Variants in PXDNL observed in about 807,000 individuals in gnomAD.
The protein encoded by PXDNL is peroxidasin like, also known as probable oxidoreductase PXDNL.
In PXDNL, 145 loss-of-function variants were observed where a neutral mutation model predicts 150.8. The observed-to-expected ratio is 0.96, with a 90% CI of 0.84 to 1.10. The LOEUF (loss-of-function observed/expected upper bound fraction) is 1.10, where lower values mean the gene tolerates loss of function less well. Ranked by LOEUF, PXDNL falls within the 50% of genes least tolerant of loss-of-function variation. The probability of loss-of-function intolerance (pLI) is 0.00; values close to 1 mark genes in which losing one functional copy is unlikely to be tolerated. For synonymous variants in PXDNL, 757 were observed against 725.7 expected (o/e 1.04, Z -0.69); for missense variants, 2,087 against 1,873.9 (o/e 1.11, Z -2.10).
At chr8:51,764,884 A>C (rs926004468) in intron 1 of PXDNL, among the ~76,000 whole-genome samples, 1 of 152,110 alleles carries the variant, frequency 6.6e-6, no homozygotes, top group Non-Finnish European at 1.5e-5. Flanking sequence ...TACTCTATCC[A>C]TTATTGAAGT....
At chr8:51,600,801 TTA>T (rs995558092) in intron 2 of PXDNL, among the ~76,000 whole-genome samples, 1 of 136,672 alleles carries the variant, frequency 7.3e-6, no homozygotes, top group African/African-American at 2.7e-5. Flanking sequence ...TGATAATAAA[TTA>T]TATCTTATAT....
intron 1 of PXDNL, among the ~76,000 whole-genome samples, chr8:51,806,441 T>C (rs1202787137): frequency 6.6e-6 from 1 of 152,194 alleles, no homozygotes; most frequent in African/African-American, 2.4e-5. Context: ...GCCTTAGTTT[T>C]CAAAAACTAA....
intron 3 of PXDNL, among the ~76,000 whole-genome samples, chr8:51,561,259 G>A (rs1812713771): frequency 6.6e-6 from 1 of 151,498 alleles, no homozygotes; most frequent in Admixed American, 6.6e-5. Flanking sequence ...TATACTTCTG[G>A]GCATATATCT....
At chr8:51,767,262 CT>C (rs1187815501) in intron 1 of PXDNL, among the ~76,000 whole-genome samples, 1 of 151,808 alleles carries the variant, frequency 6.6e-6, no homozygotes, top group East Asian at 1.9e-4. Context: ...CTCTCTGTCT[CT>C]CCCCCTCTTT....
intron 1 of PXDNL, among the ~76,000 whole-genome samples, chr8:51,750,132 A>G (rs1233571257): frequency 1.3e-5 from 2 of 152,314 alleles, no homozygotes; most frequent in South Asian, 2.1e-4. Flanking sequence ...TAAAACACAA[A>G]TACATTGTAC....
intron 1 of PXDNL, among the ~76,000 whole-genome samples, chr8:51,696,976 T>A (rs1209832774): frequency 6.6e-6 from 1 of 152,192 alleles, no homozygotes; most frequent in Non-Finnish European, 1.5e-5. Flanking sequence ...AGGAAAGTTA[T>A]AGGTGAAGAA....
chr8:51,357,494 A>G (rs972021623), intron 19 of PXDNL, among the ~76,000 whole-genome samples: 5 of 152,234 alleles, frequency 3.3e-5, no homozygotes, highest in Non-Finnish European at 7.3e-5. Context: ...ATCTAAGCAG[A>G]CAGTATCTGA....
At chr8:51,569,327 T>C (rs2130586855) in intron 3 of PXDNL, among the ~76,000 whole-genome samples, 1 of 152,060 alleles carries the variant, frequency 6.6e-6, no homozygotes. Context: ...TCAATGGTGG[T>C]TTTACAGGTG....
intron 19 of PXDNL, among the ~76,000 whole-genome samples, chr8:51,365,218 T>A (rs1806877242): frequency 6.6e-6 from 1 of 152,158 alleles, no homozygotes; most frequent in South Asian, 2.1e-4. Flanking sequence ...GATTACAGGC[T>A]TGAGCCACCA....
chr8:51,555,718 C>A (rs969158671), intron 4 of PXDNL, among the ~76,000 whole-genome samples: 1 of 152,182 alleles, frequency 6.6e-6, no homozygotes, highest in African/African-American at 2.4e-5. Flanking sequence ...AGTTTCAGAA[C>A]TATCCCATAG....
chr8:51,699,438 T>G (rs891518860), intron 1 of PXDNL, among the ~76,000 whole-genome samples: 2 of 152,226 alleles, frequency 1.3e-5, no homozygotes, highest in African/African-American at 4.8e-5. Context: ...GGCCTTACTC[T>G]GTGTTAGGCT....
intron 1 of PXDNL, among the ~76,000 whole-genome samples, chr8:51,779,894 T>C: frequency 6.6e-6 from 1 of 152,180 alleles, no homozygotes. Flanking sequence ...ACTCACACTG[T>C]AGTCACCAGA....
intron 2 of PXDNL, among the ~76,000 whole-genome samples, chr8:51,643,174 T>C (rs528253114): frequency 0.036 from 5,471 of 152,052 alleles, 133 homozygotes; most frequent in Middle Eastern, 0.071. Context: ...ACTTTCTTCA[T>C]AGAATTGGAA....
chr8:51,730,992 G>A (rs1373437098), intron 1 of PXDNL, among the ~76,000 whole-genome samples: 1 of 152,052 alleles, frequency 6.6e-6, no homozygotes, highest in East Asian at 1.9e-4. Context: ...GATTTAGGTG[G>A]GGACACAGCC....
intron 5 of PXDNL, among the ~76,000 whole-genome samples, chr8:51,493,250 A>G (rs1810943553): frequency 6.6e-6 from 1 of 152,156 alleles, no homozygotes; most frequent in Non-Finnish European, 1.5e-5. Flanking sequence ...ACTAACAAAC[A>G]GAAAGGACAT....
chr8:51,602,765 G>A lies in PXDNL; in HGVS notation c.237-10067C>T, dbSNP rs142437617. ...TTTGTAAGCAAAAAATTAAACGTTTGTTTATGTTTTACAATTATTTTTTCA... is the reference window on the plus strand; with the variant it reads ...TTTGTAAGCAAAAAATTAAACGTTTATTTATGTTTTACAATTATTTTTTCA... On this transcript the variant is annotated intron_variant, in intron 2 of 22. Transcript: ENST00000356297. Among the ~76,000 whole-genome samples the A allele has an allele frequency of 3.5e-3, 533 of 151,316 alleles. 3 individuals are homozygous for A. The highest frequency in any genetic ancestry group is 0.019 in the Admixed American group (284 of 15,224).
At chr8:51,772,128 A>G (rs932091969) in intron 1 of PXDNL, among the ~76,000 whole-genome samples, 11 of 150,780 alleles carry the variant, frequency 7.3e-5, no homozygotes, top group Admixed American at 7.3e-4. Flanking sequence ...ACCATGTCTC[A>G]CCTTCCTCCT....
At chr8:51,320,394 T>C (rs1008156779) in intron 22 of PXDNL, among the ~76,000 whole-genome samples, 7 of 152,262 alleles carry the variant, frequency 4.6e-5, no homozygotes, top group Non-Finnish European at 1.0e-4. Flanking sequence ...ATAACACTTT[T>C]TTATTTTTCC....
At chr8:51,593,999 T>TGTTAGG (rs1813506302) in intron 2 of PXDNL, among the ~76,000 whole-genome samples, 8 of 152,360 alleles carry the variant, frequency 5.3e-5, no homozygotes, top group African/African-American at 1.9e-4. Context: ...ACAAACCTTG[T>TGTTAGG]CCTGGGAGAA....
Sources: allele counts gnomAD v4.1 joint callset (sites outside exome capture counted in the v4.1 genomes callset), GRCh38; gene constraint gnomAD v4.1.1; transcripts MANE v1.5; gene names NCBI Gene and HGNC (gene_info 2026-07-23, HGNC 2026-07-21).